Variants in TRHDE observed in about 807,000 individuals in gnomAD.
TRHDE encodes the protein thyrotropin releasing hormone degrading enzyme, also known as thyrotropin-releasing hormone-degrading ectoenzyme.
A neutral mutation model predicts 125.7 loss-of-function variants in TRHDE; 72 were observed. That is an observed-to-expected ratio of 0.57 (90% CI 0.47 to 0.70). TRHDE has a LOEUF of 0.70. Ranked by LOEUF, TRHDE falls within the 30% of genes least tolerant of loss-of-function variation. The pLI, the probability that TRHDE is intolerant of heterozygous loss-of-function variation, is 0.00. For missense variants in TRHDE, 1,110 were observed against 1,327.1 expected, an observed-to-expected ratio of 0.84 and a Z score of 2.54; for synonymous variants, 509 against 509.1, an observed-to-expected ratio of 1.00 and a Z score of 0.00.
chr12:72,594,822 T>A (rs1431371835), intron 12 of TRHDE, among the ~76,000 whole-genome samples: 4 of 151,936 alleles, frequency 2.6e-5, no homozygotes, highest in Non-Finnish European at 5.9e-5. Flanking sequence ...CACGTATGTT[T>A]ATTTGGCACT....
At chr12:72,430,674 A>G (rs1005681208) in intron 3 of TRHDE, among the ~76,000 whole-genome samples, 5 of 151,740 alleles carry the variant, frequency 3.3e-5, no homozygotes, top group African/African-American at 9.7e-5. Context: ...GATTCCTATT[A>G]CCTTAAAGTG....
chr12:72,088,805 C>T (rs1025381824), intron 1 of TRHDE, among the ~76,000 whole-genome samples: 6 of 151,890 alleles, frequency 4.0e-5, no homozygotes, highest in Non-Finnish European at 5.9e-5. Flanking sequence ...CCCTTCTCTT[C>T]TCTTCTTCTT....
At chr12:72,460,826 A>G (rs1232409478) in intron 3 of TRHDE, among the ~76,000 whole-genome samples, 1 of 152,150 alleles carries the variant, frequency 6.6e-6, no homozygotes, top group Non-Finnish European at 1.5e-5. Context: ...GGTGAGAATC[A>G]AAGTAGCACT....
chr12:72,350,437 A>G (rs1870531275), intron 2 of TRHDE, among the ~76,000 whole-genome samples: 1 of 152,164 alleles, frequency 6.6e-6, no homozygotes, highest in Non-Finnish European at 1.5e-5. Context: ...ATAGAACATA[A>G]TATATTATAA....
At chr12:72,495,978 A>G (rs1235805396) in intron 5 of TRHDE, among the ~76,000 whole-genome samples, 1 of 152,220 alleles carries the variant, frequency 6.6e-6, no homozygotes, top group Non-Finnish European at 1.5e-5. Context: ...TAGTATCTAC[A>G]TTGAAGTGGT....
chr12:72,365,396 A>G (rs912053586), intron 2 of TRHDE, among the ~76,000 whole-genome samples: 1 of 152,080 alleles, frequency 6.6e-6, no homozygotes, highest in African/African-American at 2.4e-5. Flanking sequence ...GATGATTCAG[A>G]ACTTCTGGTG....
At chr12:72,526,033 T>C (rs1337088551) in intron 6 of TRHDE, among the ~76,000 whole-genome samples, 1 of 152,160 alleles carries the variant, frequency 6.6e-6, no homozygotes, top group East Asian at 1.9e-4. Context: ...TTGAAAATTA[T>C]TCTTAAGTGT....
chr12:72,444,451 AT>A (rs372745817), intron 3 of TRHDE, among the ~76,000 whole-genome samples: 12 of 150,946 alleles, frequency 7.9e-5, no homozygotes, highest in African/African-American at 2.9e-4. Flanking sequence ...CATACCCAAC[AT>A]TTTTTTTTGA....
At chr12:72,200,394 T>C (rs1877534528) in intron 2 of TRHDE, among the ~76,000 whole-genome samples, 1 of 152,164 alleles carries the variant, frequency 6.6e-6, no homozygotes, top group African/African-American at 2.4e-5. Context: ...GAGGGCTCCA[T>C]TTAGTAAGTC....
rs568537530 is a variant in TRHDE at position 72,601,818 on chromosome 12, C to T, written c.2322-17073C>T. 1.6e-4 allele frequency among the ~76,000 whole-genome samples: 24 copies of T among 152,162 alleles called. No homozygotes were observed. In the South Asian group the frequency reaches 1.7e-3, roughly 11 times the overall value. ...GCACACTAACTAGGCTATGGTACAA[C>T]GTAAATGTAATTTTTATATACACTG... On this transcript the variant is annotated intron_variant, in intron 12 of 18. Transcript: ENST00000261180.
intron 12 of TRHDE, among the ~76,000 whole-genome samples, chr12:72,587,210 T>A (rs1417271419): frequency 2.6e-5 from 4 of 152,290 alleles, no homozygotes. Flanking sequence ...TTTACTGTAG[T>A]TTTTAAATTT....
intron 6 of TRHDE, among the ~76,000 whole-genome samples, chr12:72,503,668 T>C (rs1258286696): frequency 6.6e-6 from 1 of 152,186 alleles, no homozygotes; most frequent in Non-Finnish European, 1.5e-5. Context: ...TCATCAGAAA[T>C]CTACCTTTCT....
At chr12:72,256,956 G>A (rs1878832525) in intron 2 of TRHDE, 1 of 152,202 alleles carries the variant, frequency 6.6e-6, no homozygotes, top group South Asian at 2.1e-4. Context: ...AATAACTGCG[G>A]TATGCAGTTC....
intron 3 of TRHDE, among the ~76,000 whole-genome samples, chr12:72,396,677 G>A (rs1468007226): frequency 1.3e-5 from 2 of 152,202 alleles, no homozygotes; most frequent in Admixed American, 6.5e-5. Context: ...CTGGGAGGCA[G>A]AGGTTGCAGT....
At chr12:72,274,751 C>T (rs553701620) in intron 1 of TRHDE, 29 of 152,264 alleles carry the variant, frequency 1.9e-4, no homozygotes, top group African/African-American at 6.7e-4. Flanking sequence ...CTTGGGGATA[C>T]CAATAATAAT....
At position 72,509,814 on chromosome 12, in the gene TRHDE, A is replaced by G. The variant is rs142185673; in HGVS notation, c.1722+10179A>G. 5.9e-5 allele frequency among the ~76,000 whole-genome samples: 9 copies of G among 152,342 alleles called. No individual in the cohort carries two copies. In the South Asian group the frequency reaches 8.3e-4, roughly 14 times the overall value. ...ACTGCCTGTGTGCAGTAAGCACTCT[A>G]ATAAGTATTTGTTGAGTTAAATTAA... is the stretch of plus-strand genomic sequence containing the variant. On this transcript the variant is annotated intron_variant, in intron 6 of 18. Transcript: ENST00000261180.
chr12:72,432,235 A>G (rs1223674933), intron 3 of TRHDE, among the ~76,000 whole-genome samples: 2 of 152,162 alleles, frequency 1.3e-5, no homozygotes, highest in African/African-American at 4.8e-5. Context: ...ATGCAGTTTA[A>G]GAGCAGCTAG....
intron 2 of TRHDE, among the ~76,000 whole-genome samples, chr12:72,165,546 T>C (rs1418484232): frequency 1.3e-5 from 2 of 152,184 alleles, no homozygotes; most frequent in Non-Finnish European, 2.9e-5. Flanking sequence ...GGTAGATTTA[T>C]GTGTATATAC....
At chr12:72,457,485 G>A (rs1052267083) in intron 3 of TRHDE, among the ~76,000 whole-genome samples, 3 of 151,878 alleles carry the variant, frequency 2.0e-5, no homozygotes, top group Non-Finnish European at 1.5e-5. Context: ...TTGTTTAGAT[G>A]CCAGTTAATA....
Sources: gnomAD v4.1 joint callset for allele counts (sites outside exome capture counted in the v4.1 genomes callset) on GRCh38, gnomAD v4.1.1 for gene constraint, MANE v1.5 for transcripts, NCBI Gene and HGNC (gene_info 2026-07-23, HGNC 2026-07-21) for gene names.